The following GALNT13 variants were observed in gnomAD, a reference collection of about 807,000 sequenced individuals.
GALNT13 encodes polypeptide N-acetylgalactosaminyltransferase 13.
A neutral mutation model predicts 64.2 loss-of-function variants in GALNT13; 28 were observed. The observed-to-expected ratio is 0.44, with a 90% confidence interval of 0.32 to 0.60. The LOEUF is 0.60. Among genes scored for constraint, GALNT13 ranks in the 20% least tolerant of loss-of-function variants. GALNT13 has a pLI of 0.05. For synonymous variants in GALNT13, 214 were observed against 224.6 expected (o/e 0.95, Z 0.42); for missense variants, 577 against 669.8 (o/e 0.86, Z 1.53).
At chr2:153,257,112 G>T in the GALNT13 span, among the ~76,000 whole-genome samples, 13 of 152,338 alleles carry the variant, frequency 8.5e-5, no homozygotes, top group African/African-American at 2.2e-4. Context: ...AGACTCCCTG[G>T]GCGTAGGACC....
intron 8 of GALNT13, among the ~76,000 whole-genome samples, chr2:154,274,534 G>A (rs1370175918): frequency 6.6e-6 from 1 of 151,954 alleles, no homozygotes; most frequent in South Asian, 2.1e-4. Context: ...TCATGGGGGT[G>A]GTTACCCCCA....
chr2:154,029,418 A>T (rs1233096270), intron 3 of GALNT13, among the ~76,000 whole-genome samples: 1 of 152,094 alleles, frequency 6.6e-6, no homozygotes, highest in Non-Finnish European at 1.5e-5. Flanking sequence ...AGATACTGAG[A>T]AAAGAAATGG....
At chr2:153,500,473 G>A in the GALNT13 span, among the ~76,000 whole-genome samples, 14 of 152,262 alleles carry the variant, frequency 9.2e-5, no homozygotes, top group South Asian at 2.5e-3. Context: ...AGAAACCTGC[G>A]GGTTATGAGG....
chr2:153,715,740 T>G, the GALNT13 span, among the ~76,000 whole-genome samples: 4 of 152,088 alleles, frequency 2.6e-5, no homozygotes, highest in African/African-American at 9.7e-5. Context: ...CACCCATTGC[T>G]CTCTCCTTAT....
chr2:154,406,449 C>A (rs937758940), intron 10 of GALNT13, among the ~76,000 whole-genome samples: 2 of 152,158 alleles, frequency 1.3e-5, no homozygotes, highest in African/African-American at 2.4e-5. Context: ...CCTCTCTAAC[C>A]TGCCCCTTGC....
chr2:153,998,996 T>C (rs1288831959), intron 3 of GALNT13, among the ~76,000 whole-genome samples: 1 of 152,146 alleles, frequency 6.6e-6, no homozygotes, highest in Non-Finnish European at 1.5e-5. Context: ...TATAGAATCA[T>C]GCTATCCCCA....
intron 4 of GALNT13, among the ~76,000 whole-genome samples, chr2:154,240,561 T>A (rs1285881272): frequency 6.6e-6 from 1 of 152,162 alleles, no homozygotes; most frequent in Non-Finnish European, 1.5e-5. Flanking sequence ...TGTGGCTTGC[T>A]TCTTCAGTGC....
intron 7 of GALNT13, among the ~76,000 whole-genome samples, chr2:154,249,241 A>G (rs1689942957): frequency 6.6e-6 from 1 of 152,210 alleles, no homozygotes; most frequent in African/African-American, 2.4e-5. Context: ...TTTGTATTCC[A>G]TGCATACAAA....
intron 9 of GALNT13, among the ~76,000 whole-genome samples, chr2:154,332,831 A>G (rs1695239837): frequency 6.6e-6 from 1 of 152,152 alleles, no homozygotes; most frequent in Admixed American, 6.6e-5. Flanking sequence ...AAGCAAATGA[A>G]TGAAGAATAA....
At chr2:153,185,168 G>A in the GALNT13 span, among the ~76,000 whole-genome samples, 1 of 152,066 alleles carries the variant, frequency 6.6e-6, no homozygotes, top group African/African-American at 2.4e-5. Context: ...AGGGATTTAA[G>A]TTCTTTCTGG....
At chr2:153,333,220 G>C in the GALNT13 span, among the ~76,000 whole-genome samples, 9 of 152,152 alleles carry the variant, frequency 5.9e-5, no homozygotes, top group Admixed American at 1.3e-4. Context: ...GCTTTACCCA[G>C]TGTTTTTCCC....
the GALNT13 span, among the ~76,000 whole-genome samples, chr2:153,209,156 A>G: frequency 6.7e-6 from 1 of 150,316 alleles, no homozygotes; most frequent in African/African-American, 2.5e-5. Context: ...TTTTTGTATT[A>G]TTTTTAGTAG....
chr2:154,222,907 A>G (rs181786783), intron 4 of GALNT13, among the ~76,000 whole-genome samples: 1 of 152,148 alleles, frequency 6.6e-6, no homozygotes, highest in South Asian at 2.1e-4. Context: ...TTTCAAAAGG[A>G]TTTAAGGACA....
chr2:153,226,560 C>A, the GALNT13 span, among the ~76,000 whole-genome samples: 6,702 of 152,162 alleles, frequency 0.044, 517 homozygotes, highest in African/African-American at 0.15. Flanking sequence ...GGTTCTTCCC[C>A]AAGCCCCATT....
At chr2:154,161,700 A>T (rs1337095290) in intron 4 of GALNT13, among the ~76,000 whole-genome samples, 3 of 152,170 alleles carry the variant, frequency 2.0e-5, no homozygotes, top group Non-Finnish European at 4.4e-5. Context: ...TCATTTTTCA[A>T]TGTTTTTGTT....
chr2:153,693,215 T>A, the GALNT13 span, among the ~76,000 whole-genome samples: 3 of 152,060 alleles, frequency 2.0e-5, no homozygotes, highest in Non-Finnish European at 4.4e-5. Context: ...CAGTTAGGAG[T>A]GCTGTCTATG....
At chr2:153,841,306 C>A in the GALNT13 span, among the ~76,000 whole-genome samples, 1 of 152,056 alleles carries the variant, frequency 6.6e-6, no homozygotes, top group African/African-American at 2.4e-5. Flanking sequence ...TCAACTGAAT[C>A]TATTCCTTTA....
At chr2:154,227,487 C>A (rs1270025925) in intron 4 of GALNT13, among the ~76,000 whole-genome samples, 1 of 111,500 alleles carries the variant, frequency 9.0e-6, no homozygotes, top group Non-Finnish European at 1.8e-5. Flanking sequence ...CCCCTCCCCC[C>A]ACCCCACAAC....
the GALNT13 span, among the ~76,000 whole-genome samples, chr2:153,126,084 ACTGATTGTTATTTTC>A: frequency 0.99 from 149,653 of 150,684 alleles, 74,325 homozygotes; most frequent in Middle Eastern, 1. Flanking sequence ...ATTAAATAAA[ACTGATTGTTATTTTC>A]CTGATTGTTA....
Sources: gnomAD v4.1 joint callset for allele counts (sites outside exome capture counted in the v4.1 genomes callset) on GRCh38, gnomAD v4.1.1 for gene constraint, MANE v1.5 for transcripts, NCBI Gene and HGNC (gene_info 2026-07-23, HGNC 2026-07-21) for gene names.